Variants in SOX6 observed in about 807,000 individuals in gnomAD.
SOX6 encodes the protein SRY-box transcription factor 6.
Under a neutral mutation model 97.8 loss-of-function variants are expected in SOX6, and 11 were observed. The observed-to-expected ratio is 0.11, with a 90% CI of 0.07 to 0.19. SOX6 has a LOEUF of 0.19. Among genes scored for constraint, SOX6 ranks in the 10% least tolerant of loss-of-function variants. The probability of loss-of-function intolerance (pLI) is 1.00; values close to 1 mark genes in which losing one functional copy is unlikely to be tolerated. For synonymous variants in SOX6, 360 were observed against 371.4 expected, an observed-to-expected ratio of 0.97 and a Z score of 0.35; for missense variants, 810 against 1,039.5, an observed-to-expected ratio of 0.78 and a Z score of 3.04.
intron 3 of SOX6, among the ~76,000 whole-genome samples, chr11:16,248,243 G>T (rs1853399236): frequency 6.6e-6 from 1 of 152,102 alleles, no homozygotes; most frequent in South Asian, 2.1e-4. Context: ...GGCATTGAGT[G>T]TCTGTGGCTT....
chr11:16,201,622 AT>A (rs774189588), intron 4 of SOX6, among the ~76,000 whole-genome samples: 10,401 of 133,528 alleles, frequency 0.078, 512 homozygotes, highest in Non-Finnish European at 0.1. Flanking sequence ...TTTGCAAAGT[AT>A]TTTTTTTTTT....
rs192867026 is a variant in SOX6, at chr11:15,967,223, T to C, written c.*5586A>G. The C allele has an allele frequency of 4.6e-5, 7 of 152,312 alleles. No individual in the cohort carries two copies. Among genetic ancestry groups the C allele is most frequent in the Admixed American group, 1.3e-4 (2 of 15,298 alleles). 9.4% of individuals were successfully genotyped at this position (152,312 alleles called of 1,614,324 possible). On this transcript the variant is annotated 3_prime_UTR_variant, in exon 16 of 16. Transcript: ENST00000683767. ...TACAAAGAAAATCTGCAGTTAAAAT[T>C]TGCTCCAGGATGTATTAAATGCCCT...
chr11:16,716,974 T>A (rs997386299), intron 2 of SOX6, among the ~76,000 whole-genome samples: 1 of 152,182 alleles, frequency 6.6e-6, no homozygotes, highest in African/African-American at 2.4e-5. Flanking sequence ...GTAGTGGTTA[T>A]ATAGATATGT....
intron 3 of SOX6, among the ~76,000 whole-genome samples, chr11:16,623,973 C>A (rs1848585114): frequency 6.6e-6 from 1 of 152,116 alleles, no homozygotes; most frequent in Non-Finnish European, 1.5e-5. Flanking sequence ...ATCTCCTGCC[C>A]CTTCTCAGTC....
At chr11:16,082,071 C>G (rs147786418) in intron 9 of SOX6, among the ~76,000 whole-genome samples, 219 of 152,194 alleles carry the variant, frequency 1.4e-3, no homozygotes, top group African/African-American at 5.2e-3. Flanking sequence ...TAATTGTCAC[C>G]CTAAAAACAC....
At chr11:16,346,784 A>G (rs187656557) in intron 1 of SOX6, among the ~76,000 whole-genome samples, 3 of 152,190 alleles carry the variant, frequency 2.0e-5, no homozygotes, top group East Asian at 1.9e-4. Flanking sequence ...TGTCAAATCA[A>G]TGGAGATGAG....
chr11:15,969,153 T>C lies in SOX6; in HGVS notation c.*3656A>G, dbSNP rs1246115529. The C allele has an allele frequency of 1.3e-5, 2 of 151,008 alleles. No homozygotes were observed. The highest frequency in any genetic ancestry group is 4.9e-5 in the African/African-American group (2 of 41,028). 9.4% of individuals were successfully genotyped at this position (151,008 alleles called of 1,614,324 possible). On this transcript the variant is annotated 3_prime_UTR_variant, in exon 16 of 16. Transcript: ENST00000683767. Reference sequence around the variant, plus strand: ...AGTGACAAGGAGAACCCTGACCCTGTAAGTTCTTTAACAAAATGGAGATAA... The same window carrying C: ...AGTGACAAGGAGAACCCTGACCCTGCAAGTTCTTTAACAAAATGGAGATAA...
At chr11:16,345,799 A>C (rs983260923) in intron 1 of SOX6, among the ~76,000 whole-genome samples, 2 of 152,018 alleles carry the variant, frequency 1.3e-5, no homozygotes, top group African/African-American at 4.8e-5. Flanking sequence ...AAACAACTTC[A>C]AACTTTTAAA....
At chr11:16,631,986 G>A (rs1848713300) in intron 3 of SOX6, among the ~76,000 whole-genome samples, 1 of 152,142 alleles carries the variant, frequency 6.6e-6, no homozygotes. Context: ...AGGATTGCTT[G>A]AGAAGTTTAT....
chr11:16,670,665 T>G (rs569895561), intron 3 of SOX6, among the ~76,000 whole-genome samples: 2 of 152,288 alleles, frequency 1.3e-5, no homozygotes, highest in East Asian at 3.9e-4. Flanking sequence ...CAGCACAGAC[T>G]TCATACTGCA....
chr11:16,231,430 A>G (rs1852848079), intron 4 of SOX6, among the ~76,000 whole-genome samples: 1 of 151,738 alleles, frequency 6.6e-6, no homozygotes, highest in African/African-American at 2.4e-5. Flanking sequence ...TAAATCAACA[A>G]TGATATGTTT....
chr11:16,728,123 G>T (rs1191300934), intron 2 of SOX6, among the ~76,000 whole-genome samples: 1 of 152,144 alleles, frequency 6.6e-6, no homozygotes, highest in Non-Finnish European at 1.5e-5. Flanking sequence ...ATCTCCCTGG[G>T]ACAGAACACC....
intron 3 of SOX6, among the ~76,000 whole-genome samples, chr11:16,678,449 A>T (rs1032241038): frequency 2.6e-5 from 4 of 152,166 alleles, no homozygotes; most frequent in Non-Finnish European, 2.9e-5. Context: ...CTATTCTTGC[A>T]TTGCCATAAA....
chr11:16,121,752 T>C (rs1849494922), intron 6 of SOX6, among the ~76,000 whole-genome samples: 1 of 152,032 alleles, frequency 6.6e-6, no homozygotes, highest in Admixed American at 6.6e-5. Context: ...GTTAATTAAA[T>C]GTGTTTAAAT....
At chr11:16,548,134 C>T (rs188751779) in intron 4 of SOX6, among the ~76,000 whole-genome samples, 3 of 152,196 alleles carry the variant, frequency 2.0e-5, no homozygotes, top group Admixed American at 2.0e-4. Flanking sequence ...CTTTAAAATA[C>T]TGGAGAAATT....
intron 4 of SOX6, among the ~76,000 whole-genome samples, chr11:16,504,035 T>G (rs1174084859): frequency 2.7e-5 from 4 of 146,484 alleles, no homozygotes; most frequent in Admixed American, 7.0e-5. Flanking sequence ...AGAGTGAAAC[T>G]CCATCTCAAA....
Position 16,046,539 on chromosome 11 carries a change from C to A in SOX6, c.1598G>T (p.Gly533Val), listed in dbSNP as rs765364888. Residue 533 changes from glycine (G) to valine (V), a missense_variant, in exon 12 of 16, where the codon GGG becomes GTG. Around this residue, in one of 9 missense-constraint regions of SOX6, gnomAD observed 120 missense variants for 127.0 expected, o/e 0.94. Coordinates refer to ENST00000683767, the MANE Select transcript of SOX6 (RefSeq NM_001367873.1). Reference protein sequence around the residue: ...DGKLSSINNMGLNSCRNEKER... With the variant: ...DGKLSSINNMVLNSCRNEKER... ...CTTTTCATTCCTGCAGCTGTTCAGC[C>A]CCATATTATTTATGGAGGACAGTTT... The A allele has an allele frequency of 6.2e-7, 1 of 1,613,438 alleles. No individual in the cohort carries two copies. Among genetic ancestry groups the A allele is most frequent in the Non-Finnish European group, 8.5e-7 (1 of 1,179,736 alleles).
chr11:15,976,629 C>T (rs1400827266), intron 15 of SOX6, among the ~76,000 whole-genome samples: 2 of 152,120 alleles, frequency 1.3e-5, no homozygotes, highest in African/African-American at 4.8e-5. Context: ...TAAAACAATA[C>T]TCTGGTTCAC....
At chr11:16,379,186 G>A (rs1484553831) in intron 1 of SOX6, among the ~76,000 whole-genome samples, 1 of 152,138 alleles carries the variant, frequency 6.6e-6, no homozygotes, top group Non-Finnish European at 1.5e-5. Flanking sequence ...AGAAATGCAG[G>A]CCGGGCACAG....
Sources: gnomAD v4.1 joint callset for allele counts (sites outside exome capture counted in the v4.1 genomes callset) on GRCh38, gnomAD v4.1.1 for gene constraint, gnomAD v4.1.1 regional missense constraint, MANE v1.5 for transcripts, NCBI Gene and HGNC (gene_info 2026-07-23, HGNC 2026-07-21) for gene names.